PACSIN1: variants seen among roughly 807,000 people sequenced by gnomAD.
PACSIN1 encodes the protein protein kinase C and casein kinase substrate in neurons protein 1.
In PACSIN1, 15 loss-of-function variants were observed where a neutral mutation model predicts 59.5. That is an observed-to-expected ratio of 0.25 (90% CI 0.17 to 0.39). The LOEUF (loss-of-function observed/expected upper bound fraction) is 0.39, where lower values mean the gene tolerates loss of function less well. PACSIN1 is among the 10% of genes least tolerant of loss of function. PACSIN1 has a pLI of 1.00. For synonymous variants in PACSIN1, 210 were observed against 220.6 expected (o/e 0.95, Z 0.42); for missense variants, 420 against 580.2 (o/e 0.72, Z 2.84).
Position 34,527,415 on chromosome 6 carries a change from C to T in PACSIN1, c.147C>T (p.Arg49=). The T allele has an allele frequency of 6.3e-7, 1 of 1,599,516 alleles. No individual in the cohort carries two copies. The highest frequency in any genetic ancestry group is 2.3e-5 in the East Asian group (1 of 44,040). Residue 49 remains arginine (R), a synonymous_variant, in exon 3 of 10, where the codon CGC becomes CGT. Transcript: ENST00000244458. The stretch of plus-strand genomic sequence containing the variant: ...ACCTGATGAACTGCGTGCAGGAGCG[C>T]GCCAAGATCGAGAAGGCGTACGGGC... The part of the protein sequence containing the change: ...CNDLMNCVQE[R]AKIEKAYGQQ...
chr6:34,534,058 C>T lies in PACSIN1; in HGVS notation c.*1528C>T, dbSNP rs1259336838. ...CTTACAGTGGATGCCACTTCTAGGC[C>T]TCTGGACCGCAGATGCCCTCCTCCC... is the stretch of plus-strand genomic sequence containing the variant. On this transcript the variant is annotated 3_prime_UTR_variant, in exon 10 of 10. Coordinates refer to ENST00000244458, the MANE Select transcript of PACSIN1 (RefSeq NM_020804.5). The T allele has an allele frequency of 6.6e-6, 1 of 152,564 alleles. No individual in the cohort carries two copies. The highest frequency in any genetic ancestry group is 1.5e-5 in the Non-Finnish European group (1 of 68,320). The allele number at this position is 152,564 out of a possible 1,614,324, so 9.5% of individuals were successfully genotyped here. A position where few individuals can be genotyped will look rare whatever the true frequency, so the allele number is the denominator to read the frequency against.
rs1767387360 is a variant in PACSIN1 at position 34,521,231 on chromosome 6, G to A, written c.-63-5012G>A. Among the ~76,000 whole-genome samples, 3 of 152,122 alleles carry A rather than the reference G, an allele frequency of 2.0e-5. No individual in the cohort carries two copies. The highest frequency in any genetic ancestry group is 4.1e-4 in the South Asian group (2 of 4,820). ...TGACGAGGGCTGTGAAGAATAATAC[G>A]GAGAGGACAGGGAGGAGGTGGGGGC... On this transcript the variant is annotated intron_variant, in intron 1 of 9. Coordinates refer to ENST00000244458, the MANE Select transcript of PACSIN1 (RefSeq NM_020804.5). The surrounding 1 kb of genome is among the most constrained non-coding windows in gnomAD (Gnocchi z 4.3).
chr6:34,506,405 G>A (rs1308198965), intron 1 of PACSIN1, among the ~76,000 whole-genome samples: 1 of 152,048 alleles, frequency 6.6e-6, no homozygotes, highest in Non-Finnish European at 1.5e-5. Context: ...TGTAGAGACA[G>A]GGTCTCACTA....
intron 1 of PACSIN1, among the ~76,000 whole-genome samples, chr6:34,467,643 C>T (rs1766515678): frequency 6.6e-6 from 1 of 150,396 alleles, no homozygotes; most frequent in Non-Finnish European, 1.5e-5. Flanking sequence ...ACCGCAACCT[C>T]TGCCTCCCGG....
chr6:34,527,220 C>A (rs1767504312), intron 2 of PACSIN1, 112 bp from the exon 3 acceptor site: 1 of 1,074,484 alleles, frequency 9.3e-7, no homozygotes, highest in Non-Finnish European at 1.2e-6. Flanking sequence ...ACGGCGAGGC[C>A]GTAAGCGGGG....
At chr6:34,519,808 C>G (rs938568314) in intron 1 of PACSIN1, among the ~76,000 whole-genome samples, 1 of 152,166 alleles carries the variant, frequency 6.6e-6, no homozygotes, top group Non-Finnish European at 1.5e-5. Flanking sequence ...TTGCCAAGGT[C>G]AGTGGCAGAG....
intron 1 of PACSIN1, among the ~76,000 whole-genome samples, chr6:34,467,945 C>T (rs776725206): frequency 2.6e-5 from 4 of 152,130 alleles, no homozygotes; most frequent in African/African-American, 4.8e-5. Context: ...TCTTATGGGC[C>T]CCTGGTTTGA....
At chr6:34,487,755 C>T (rs1374615621) in intron 1 of PACSIN1, among the ~76,000 whole-genome samples, 1 of 152,154 alleles carries the variant, frequency 6.6e-6, no homozygotes, top group Non-Finnish European at 1.5e-5. Context: ...TAACCTTTGA[C>T]GAGGTGGCTC....
chr6:34,469,613 G>A (rs142805853), intron 1 of PACSIN1, among the ~76,000 whole-genome samples: 1 of 152,356 alleles, frequency 6.6e-6, no homozygotes, highest in Non-Finnish European at 1.5e-5. Context: ...CCATTTGCCT[G>A]TGAGAGTCAG....
At chr6:34,526,835 T>C (rs1000038758) in intron 2 of PACSIN1, among the ~76,000 whole-genome samples, 4 of 151,900 alleles carry the variant, frequency 2.6e-5, no homozygotes, top group Non-Finnish European at 5.9e-5. Flanking sequence ...ATTTGAGACC[T>C]GGAGAAAAAA....
chr6:34,468,298 G>A (rs1190594710), intron 1 of PACSIN1, among the ~76,000 whole-genome samples: 1 of 152,210 alleles, frequency 6.6e-6, no homozygotes, highest in Non-Finnish European at 1.5e-5. Flanking sequence ...GGCTTAGGAG[G>A]GGCCTAAAGA....
intron 3 of PACSIN1, 162 bp downstream of exon 3, chr6:34,527,650 G>C (rs1767514462): frequency 1.1e-5 from 5 of 449,808 alleles, no homozygotes; most frequent in Non-Finnish European, 1.9e-5. Context: ...AGGCCTACCT[G>C]TTCATCTCTA....
intron 1 of PACSIN1, among the ~76,000 whole-genome samples, chr6:34,481,702 G>C (rs1766722776): frequency 6.6e-6 from 1 of 151,716 alleles, no homozygotes; most frequent in South Asian, 2.1e-4. Flanking sequence ...AAATACCCTT[G>C]CTTTCTGGTG....
At chr6:34,506,741 C>T (rs1424917415) in intron 1 of PACSIN1, among the ~76,000 whole-genome samples, 1 of 152,134 alleles carries the variant, frequency 6.6e-6, no homozygotes, top group Non-Finnish European at 1.5e-5. Context: ...CCAGTGATCC[C>T]TCCCTGCGTG....
At chr6:34,522,286 C>T (rs1214622656) in intron 1 of PACSIN1, among the ~76,000 whole-genome samples, 8 of 152,202 alleles carry the variant, frequency 5.3e-5, no homozygotes, top group Non-Finnish European at 5.9e-5. Context: ...TTAGTCACTC[C>T]GTGCCTCAGT....
intron 1 of PACSIN1, among the ~76,000 whole-genome samples, chr6:34,505,006 A>ATT (rs992997394): frequency 6.7e-6 from 1 of 149,488 alleles, no homozygotes; most frequent in Non-Finnish European, 1.5e-5. Context: ...ATTATTTTAG[A>ATT]TTTTTTTTTA....
At chr6:34,520,826 C>T (rs564241139) in intron 1 of PACSIN1, among the ~76,000 whole-genome samples, 92 of 148,598 alleles carry the variant, frequency 6.2e-4, no homozygotes, top group African/African-American at 1.5e-3. Flanking sequence ...AGGAGAAGCC[C>T]GGCTTGGAGA....
intron 3 of PACSIN1, chr6:34,527,834 C>T (rs1190750811): frequency 5.5e-6 from 1 of 183,148 alleles, no homozygotes; most frequent in African/African-American, 2.3e-5. Flanking sequence ...ATTTTCTGAA[C>T]CATTTGAGAG....
At chr6:34,495,828 G>T (rs1327561170) in intron 1 of PACSIN1, among the ~76,000 whole-genome samples, 1 of 152,212 alleles carries the variant, frequency 6.6e-6, no homozygotes, top group African/African-American at 2.4e-5. Flanking sequence ...CATACCAGTT[G>T]TGTTTCCATC....
Sources: allele counts gnomAD v4.1 joint callset (sites outside exome capture counted in the v4.1 genomes callset), GRCh38; gene constraint gnomAD v4.1.1; non-coding constraint Gnocchi (gnomAD v3.1); transcripts MANE v1.5; gene names NCBI Gene and HGNC (gene_info 2026-07-23, HGNC 2026-07-21).